Variants in KIAA0825 observed in about 807,000 individuals in gnomAD.
The protein encoded by KIAA0825 is KIAA0825.
KIAA0825 carries 119 observed loss-of-function variants against 147.6 expected under a neutral mutation model. The ratio of observed to expected loss-of-function variants is 0.81; its 90% CI spans 0.69 to 0.94. The LOEUF is 0.94. Among genes scored for constraint, KIAA0825 ranks in the 40% least tolerant of loss-of-function variants. The pLI is 0.00. For missense variants in KIAA0825, 1,381 were observed against 1,472.7 expected (o/e 0.94, Z 1.02); for synonymous variants, 470 against 518.1 (o/e 0.91, Z 1.26).
intron 4 of KIAA0825, 40 bp from the exon 5 acceptor site, chr5:94,520,957 T>A (rs1359819147): frequency 2.8e-6 from 4 of 1,410,182 alleles, no homozygotes; most frequent in Admixed American, 2.4e-5. Flanking sequence ...TTAAGTGCAA[T>A]AGAAAAAATG....
intron 5 of KIAA0825, among the ~76,000 whole-genome samples, chr5:94,494,280 G>T (rs1313123027): frequency 6.9e-6 from 1 of 145,702 alleles, no homozygotes; most frequent in Non-Finnish European, 1.5e-5. Context: ...TTTCCCAAGG[G>T]TATAATACTC....
chr5:94,384,311 ACG>A, intron 20 of KIAA0825, 55 bp downstream of exon 20: 1 of 1,242,472 alleles, frequency 8.0e-7, no homozygotes. Context: ...ACACACACAC[ACG>A]CACACACACA....
chr5:94,173,524 G>T (rs115840240), intron 20 of KIAA0825, among the ~76,000 whole-genome samples: 1 of 152,084 alleles, frequency 6.6e-6, no homozygotes, highest in African/African-American at 2.4e-5. Flanking sequence ...GCAGCTCCCC[G>T]TTGTTTGGAC....
chr5:94,217,923 G>C lies in KIAA0825; in HGVS notation c.3711-63799C>G, dbSNP rs1773344347. 3.9e-5 allele frequency among the ~76,000 whole-genome samples: 6 copies of C among 152,022 alleles called. No individual in the cohort carries two copies. The South Asian group carries it at 1.2e-3, about 32-fold the overall frequency. Reference sequence around the variant, plus strand: ...ATGTTGGGCATTCTTATAACTCTTGGGTATGTTGCCCAATAGTATTACAAT... The same window carrying C: ...ATGTTGGGCATTCTTATAACTCTTGCGTATGTTGCCCAATAGTATTACAAT... On this transcript the variant is annotated intron_variant, in intron 20 of 20. Coordinates refer to ENST00000682413, the MANE Select transcript of KIAA0825 (RefSeq NM_001145678.3).
chr5:94,395,347 G>A (rs923262649), intron 17 of KIAA0825, among the ~76,000 whole-genome samples: 3 of 152,148 alleles, frequency 2.0e-5, no homozygotes, highest in Non-Finnish European at 2.9e-5. Context: ...TAAAGAATGA[G>A]GGACAGCATG....
intron 1 of KIAA0825, among the ~76,000 whole-genome samples, chr5:94,610,882 TC>T (rs1376424949): frequency 1.3e-5 from 2 of 149,122 alleles, no homozygotes; most frequent in African/African-American, 4.9e-5. Flanking sequence ...AATTCAGACC[TC>T]ATCAGTATAA....
Position 94,372,930 on chromosome 5 carries a change from C to G in KIAA0825, c.3710+11438G>C, listed in dbSNP as rs200622280. ...GCCAGATACCCTAAATCATTGCTCT[C>G]AAGTTCAAAGTTCCACAGATCTCTA... On this transcript the variant is annotated intron_variant, in intron 20 of 20. Coordinates refer to ENST00000682413, the MANE Select transcript of KIAA0825 (RefSeq NM_001145678.3). Among the ~76,000 whole-genome samples, 9 of 152,142 alleles carry G rather than the reference C, an allele frequency of 5.9e-5. No homozygotes were observed. In the East Asian group the frequency reaches 1.7e-3, roughly 29 times the overall value.
At chr5:94,366,151 G>T (rs961443952) in intron 20 of KIAA0825, among the ~76,000 whole-genome samples, 1 of 152,172 alleles carries the variant, frequency 6.6e-6, no homozygotes. Flanking sequence ...TTCTTGGGGA[G>T]ACTGATTTGA....
chr5:94,568,447 C>G (rs1779174136), intron 2 of KIAA0825: 1 of 153,424 alleles, frequency 6.5e-6, no homozygotes, highest in South Asian at 2.0e-4. Flanking sequence ...GTTTCCCAAC[C>G]CTAACCAACA....
chr5:94,455,221 A>G (rs1758950693), intron 12 of KIAA0825, among the ~76,000 whole-genome samples: 1 of 152,150 alleles, frequency 6.6e-6, no homozygotes, highest in Admixed American at 6.6e-5. Flanking sequence ...CGTAAGATGT[A>G]AAGATCGTCA....
intron 1 of KIAA0825, chr5:94,593,423 T>A: frequency 1.3e-6 from 1 of 778,736 alleles, no homozygotes; most frequent in African/African-American, 1.7e-5. Context: ...ACGGAACTTG[T>A]TTTTGACACC....
At chr5:94,593,808 A>T (rs890215575) in intron 1 of KIAA0825, 54 of 334,288 alleles carry the variant, frequency 1.6e-4, no homozygotes, top group Non-Finnish European at 3.0e-5. Flanking sequence ...AAACTTGGAG[A>T]ATTATTGCTT....
chr5:94,471,214 G>A (rs927903436), intron 9 of KIAA0825, among the ~76,000 whole-genome samples: 2 of 151,764 alleles, frequency 1.3e-5, no homozygotes, highest in Non-Finnish European at 2.9e-5. Context: ...GCTGGGTTAG[G>A]GTGCAGAAAA....
intron 20 of KIAA0825, among the ~76,000 whole-genome samples, chr5:94,327,559 G>A (rs1479509272): frequency 1.3e-5 from 2 of 152,052 alleles, no homozygotes; most frequent in African/African-American, 4.8e-5. Context: ...TTTATACCAA[G>A]TCCCGGTAAA....
At chr5:94,211,522 C>G (rs993793508) in intron 20 of KIAA0825, among the ~76,000 whole-genome samples, 2 of 152,058 alleles carry the variant, frequency 1.3e-5, no homozygotes, top group African/African-American at 2.4e-5. Context: ...TCTAGGAAGC[C>G]TTCCCTGAAC....
At chr5:94,598,000 A>C (rs973571858) in intron 1 of KIAA0825, among the ~76,000 whole-genome samples, 14 of 152,168 alleles carry the variant, frequency 9.2e-5, no homozygotes, top group African/African-American at 3.4e-4. Flanking sequence ...GTGAATGTGA[A>C]GGCCTAGGAC....
intron 20 of KIAA0825, among the ~76,000 whole-genome samples, chr5:94,256,310 C>G (rs924232309): frequency 6.6e-6 from 1 of 152,100 alleles, no homozygotes; most frequent in Non-Finnish European, 1.5e-5. Context: ...TATTAAATCT[C>G]TGGTATTGGG....
rs545540289 is a variant in KIAA0825, at chr5:94,343,611, C to A, written c.3710+40757G>T. Among the ~76,000 whole-genome samples, 6 of 152,232 alleles carry A rather than the reference C, an allele frequency of 3.9e-5. No individual in the cohort carries two copies. The East Asian group carries it at 1.2e-3, about 29-fold the overall frequency. On this transcript the variant is annotated intron_variant, in intron 20 of 20. Transcript: ENST00000682413. ...GGCTGAGGCAGGAGAATGGCGTGAA[C>A]CCGGGAAGCAGAGCTTGCAGTGAGC...
chr5:94,389,929 T>C (rs1296042856), intron 18 of KIAA0825, among the ~76,000 whole-genome samples: 2 of 152,212 alleles, frequency 1.3e-5, no homozygotes, highest in East Asian at 3.9e-4. Context: ...TACTTAGCTC[T>C]ATATCCCATC....
Sources: allele counts gnomAD v4.1 joint callset (sites outside exome capture counted in the v4.1 genomes callset), GRCh38; gene constraint gnomAD v4.1.1; transcripts MANE v1.5; gene names NCBI Gene and HGNC (gene_info 2026-07-23, HGNC 2026-07-21).